CDK14: variants seen among roughly 807,000 people sequenced by gnomAD.
CDK14 encodes the protein cyclin-dependent kinase 14.
Under a neutral mutation model 60.7 loss-of-function variants are expected in CDK14, and 34 were observed. That is an observed-to-expected ratio of 0.56 (90% confidence interval 0.43 to 0.75). The LOEUF (loss-of-function observed/expected upper bound fraction) is 0.75. CDK14 is among the 30% of genes least tolerant of loss of function. The pLI, the probability that CDK14 is intolerant of heterozygous loss-of-function variation, is 0.00. For missense variants in CDK14, 482 were observed against 564.1 expected (o/e 0.85, Z 1.47); for synonymous variants, 197 against 203.7 (o/e 0.97, Z 0.28).
chr7:91,098,091 A>G (rs1799048323), intron 12 of CDK14, among the ~76,000 whole-genome samples: 1 of 152,220 alleles, frequency 6.6e-6, no homozygotes, highest in African/African-American at 2.4e-5. Flanking sequence ...TCAACTATTC[A>G]GCAGTCTTAA....
At chr7:91,003,049 C>T (rs1005883179) in intron 10 of CDK14, among the ~76,000 whole-genome samples, 3 of 152,036 alleles carry the variant, frequency 2.0e-5, no homozygotes, top group East Asian at 1.9e-4. Context: ...TCCAGCCTGG[C>T]GACAGTGCAA....
Position 90,635,175 on chromosome 7 carries a change from T to C in CDK14, c.123+30926T>C, listed in dbSNP as rs575855081. Reference sequence around the variant, plus strand: ...TGTCAATTTTGGCTTTTGTTGCCATTGCTTTTGGTGTTTTAGACACGAAGT... The same window carrying C: ...TGTCAATTTTGGCTTTTGTTGCCATCGCTTTTGGTGTTTTAGACACGAAGT... On this transcript the variant is annotated intron_variant, in intron 2 of 14. Coordinates refer to ENST00000380050, the MANE Select transcript of CDK14 (RefSeq NM_001287135.2). Among the ~76,000 whole-genome samples the C allele has an allele frequency of 8.5e-5, 13 of 152,366 alleles. No individual in the cohort carries two copies. The South Asian group carries it at 2.7e-3, about 32-fold the overall frequency.
intron 4 of CDK14, among the ~76,000 whole-genome samples, chr7:90,774,389 A>T (rs1804929719): frequency 6.6e-6 from 1 of 152,238 alleles, no homozygotes; most frequent in Non-Finnish European, 1.5e-5. Context: ...TGCCTATAAG[A>T]CAGTTCATTT....
At chr7:91,178,268 C>T (rs1347016881) in intron 14 of CDK14, among the ~76,000 whole-genome samples, 1 of 109,896 alleles carries the variant, frequency 9.1e-6, no homozygotes, top group Non-Finnish European at 1.9e-5. Context: ...ATGTAGAAAG[C>T]TGAAACTGGA....
chr7:91,038,297 A>G (rs1296038610), intron 10 of CDK14, among the ~76,000 whole-genome samples: 3 of 152,250 alleles, frequency 2.0e-5, no homozygotes, highest in Admixed American at 6.5e-5. Context: ...TCAGGTCTAT[A>G]TAGTTAATTA....
chr7:90,773,810 TCTC>T (rs902388888), intron 4 of CDK14, among the ~76,000 whole-genome samples: 4 of 151,304 alleles, frequency 2.6e-5, no homozygotes, highest in African/African-American at 9.7e-5. Flanking sequence ...GGTCTTCTCT[TCTC>T]TTCTCTCCTC....
At chr7:91,060,591 C>T (rs1163207780) in intron 11 of CDK14, among the ~76,000 whole-genome samples, 1 of 152,114 alleles carries the variant, frequency 6.6e-6, no homozygotes, top group Non-Finnish European at 1.5e-5. Context: ...TTAGGGCAGG[C>T]CTGGTGGTGA....
At chr7:90,799,717 A>AAT (rs1788566128) in intron 5 of CDK14, among the ~76,000 whole-genome samples, 1 of 139,690 alleles carries the variant, frequency 7.2e-6, no homozygotes, top group Non-Finnish European at 1.6e-5. Flanking sequence ...AAAAAAAAAA[A>AAT]GCTGAACCTG....
At chr7:90,871,028 C>G (rs1252656330) in intron 6 of CDK14, among the ~76,000 whole-genome samples, 4 of 152,064 alleles carry the variant, frequency 2.6e-5, no homozygotes, top group Admixed American at 1.3e-4. Context: ...GCATGTTGAT[C>G]AATGAATTGA....
chr7:90,940,875 T>C (rs1019249752), intron 8 of CDK14, among the ~76,000 whole-genome samples: 14 of 152,138 alleles, frequency 9.2e-5, no homozygotes, highest in African/African-American at 3.4e-4. Flanking sequence ...ATATATATGA[T>C]AAACACCTAG....
intron 10 of CDK14, among the ~76,000 whole-genome samples, chr7:91,020,440 T>G (rs1451691889): frequency 6.6e-6 from 1 of 152,194 alleles, no homozygotes; most frequent in Non-Finnish European, 1.5e-5. Flanking sequence ...ATAAAAACCC[T>G]TGCTCACATG....
chr7:90,829,152 T>C (rs957847085), intron 5 of CDK14, among the ~76,000 whole-genome samples: 3 of 152,120 alleles, frequency 2.0e-5, no homozygotes, highest in African/African-American at 7.2e-5. Context: ...CCCCATGTAA[T>C]ACCTACTCCA....
chr7:90,709,551 T>A (rs746456134), intron 2 of CDK14: 3 of 1,613,300 alleles, frequency 1.9e-6, no homozygotes, highest in Non-Finnish European at 2.5e-6. Context: ...TATGCACGGT[T>A]ACTTTGGCTG....
chr7:90,943,380 T>G (rs1793991253), intron 8 of CDK14, among the ~76,000 whole-genome samples: 1 of 152,104 alleles, frequency 6.6e-6, no homozygotes, highest in Non-Finnish European at 1.5e-5. Context: ...AATAACAGAT[T>G]TATATACTGT....
At chr7:90,618,484 C>T (rs1799698163) in intron 2 of CDK14, among the ~76,000 whole-genome samples, 1 of 152,172 alleles carries the variant, frequency 6.6e-6, no homozygotes, top group Non-Finnish European at 1.5e-5. Flanking sequence ...CCACTGGGCT[C>T]CACCTTGCCC....
At chr7:90,893,463 C>T (rs759168418) in intron 6 of CDK14, among the ~76,000 whole-genome samples, 18 of 152,148 alleles carry the variant, frequency 1.2e-4, no homozygotes, top group Non-Finnish European at 5.9e-5. Context: ...AGTATGTCAT[C>T]ACAGGAGAGT....
intron 1 of CDK14, among the ~76,000 whole-genome samples, chr7:90,599,431 G>A (rs553093956): frequency 6.9e-4 from 105 of 152,296 alleles, no homozygotes; most frequent in African/African-American, 2.5e-3. Context: ...CTTGCTCTGT[G>A]CCAGTGGAAT....
chr7:90,756,717 G>A (rs1293565147), intron 4 of CDK14, among the ~76,000 whole-genome samples: 1 of 152,132 alleles, frequency 6.6e-6, no homozygotes, highest in Admixed American at 6.6e-5. Context: ...AATTTAAATA[G>A]CCAACTAATT....
At chr7:90,637,642 C>G (rs2116426782) in intron 2 of CDK14, among the ~76,000 whole-genome samples, 1 of 151,722 alleles carries the variant, frequency 6.6e-6, no homozygotes, top group Admixed American at 6.6e-5. Flanking sequence ...CTGTAGATGT[C>G]TATTAGGTCC....
Sources: allele counts gnomAD v4.1 joint callset (sites outside exome capture counted in the v4.1 genomes callset), GRCh38; gene constraint gnomAD v4.1.1; transcripts MANE v1.5; gene names NCBI Gene and HGNC (gene_info 2026-07-23, HGNC 2026-07-21).